CAPRIN2: variants seen among roughly 807,000 people sequenced by gnomAD.
CAPRIN2 encodes caprin family member 2, also known as caprin-2.
In CAPRIN2, 66 loss-of-function variants were observed where a neutral mutation model predicts 130.4. That is an observed-to-expected ratio of 0.51 (90% CI 0.42 to 0.62). The LOEUF (loss-of-function observed/expected upper bound fraction) is 0.62. Ranked by LOEUF, CAPRIN2 falls within the 20% of genes least tolerant of loss-of-function variation. The pLI is 0.00. For synonymous variants in CAPRIN2, 471 were observed against 444.1 expected, an observed-to-expected ratio of 1.06 and a Z score of -0.76; for missense variants, 1,185 against 1,246.6, an observed-to-expected ratio of 0.95 and a Z score of 0.74.
At position 30,710,321 on chromosome 12, in the gene CAPRIN2, C is replaced by A. The variant is rs150951809; in HGVS notation, c.2815G>T (p.Val939Phe). ...CGCATCTGCTGAGGCAGAGGGTAGACGTGTACTGGCAGTATGGTGGCTGCT... is the reference window on the plus strand; with the variant it reads ...CGCATCTGCTGAGGCAGAGGGTAGAAGTGTACTGGCAGTATGGTGGCTGCT... The change falls in exon 17 of 17, where the codon GTC becomes TTC. Residue 939 changes from valine to phenylalanine, a missense_variant. By Grantham distance (50) the Val-to-Phe change is conservative. Transcript: ENST00000298892. This position sits in a 1 kb window ranked among gnomAD's most constrained non-coding sequence, Gnocchi z 4.8. 3 of 1,614,022 alleles carry A rather than the reference C, an allele frequency of 1.9e-6. No homozygotes were observed. Among genetic ancestry groups the A allele is most frequent in the Non-Finnish European group, 2.5e-6 (3 of 1,180,040 alleles).
At chr12:30,717,720 G>T (rs1487237751) in intron 12 of CAPRIN2, among the ~76,000 whole-genome samples, 3 of 152,096 alleles carry the variant, frequency 2.0e-5, no homozygotes, top group Non-Finnish European at 2.9e-5. Flanking sequence ...ACAAGGGTAA[G>T]GGGTCTTTTT....
intron 15 of CAPRIN2, chr12:30,711,929 T>A (rs2054913649): frequency 4.1e-6 from 2 of 490,926 alleles, no homozygotes; most frequent in African/African-American, 1.9e-5. Flanking sequence ...ATGAGAGAAA[T>A]TTTTAAATGT....
chr12:30,754,768 GC>G (rs1158737516), upstream of CAPRIN2: 1 of 153,022 alleles, frequency 6.5e-6, no homozygotes, highest in Non-Finnish European at 1.5e-5. Context: ...GGCAGCCGAG[GC>G]CGCCGCTGCC....
At chr12:30,712,733 C>CT (rs754373140) in intron 15 of CAPRIN2, among the ~76,000 whole-genome samples, 47,266 of 102,312 alleles carry the variant, frequency 0.46, 10,619 homozygotes, top group Admixed American at 0.52. Flanking sequence ...GTTTTCCACT[C>CT]TTTTTTTTTT....
At chr12:30,721,357 T>C (rs1181713036) in intron 11 of CAPRIN2, among the ~76,000 whole-genome samples, 3 of 77,964 alleles carry the variant, frequency 3.8e-5, no homozygotes, top group African/African-American at 1.2e-4. Context: ...GATCATAGTA[T>C]AACTGTGCTT....
intron 10 of CAPRIN2, among the ~76,000 whole-genome samples, chr12:30,723,611 C>T (rs1158380091): frequency 5.9e-5 from 9 of 152,060 alleles, no homozygotes; most frequent in Admixed American, 5.9e-4. Context: ...ATAATAGTGA[C>T]CAGGAAGGTA....
rs2139027245 is a variant in CAPRIN2 at position 30,740,577 on chromosome 12, T to C, written c.570+443A>G. On this transcript the variant is annotated intron_variant, in intron 3 of 16. Transcript: ENST00000298892. ...AACTCTATTTAACATGAGTCATTAA[T>C]TTTCCCATCAATAATTTTCATGCTT... Among the ~76,000 whole-genome samples, 3 of 152,284 alleles carry C rather than the reference T, an allele frequency of 2.0e-5. No homozygotes were observed. In the Middle Eastern group the frequency reaches 0.01, roughly 518 times the overall value.
chr12:30,749,558 G>A (rs572081619), intron 2 of CAPRIN2, among the ~76,000 whole-genome samples: 1 of 152,220 alleles, frequency 6.6e-6, no homozygotes, highest in South Asian at 2.1e-4. Flanking sequence ...GGAGAAGTGA[G>A]CAGACTTGCT....
chr12:30,734,129 T>C (rs1471735619), intron 4 of CAPRIN2, among the ~76,000 whole-genome samples: 2 of 152,222 alleles, frequency 1.3e-5, no homozygotes, highest in African/African-American at 2.4e-5. Context: ...AAAGTGAAGC[T>C]ACATTCCCTG....
At chr12:30,741,036 G>A (rs1197907818) in exon 3 of CAPRIN2, 1 of 1,608,984 alleles carries the variant, frequency 6.2e-7, no homozygotes, top group Non-Finnish European at 8.5e-7. Flanking sequence ...GCTCAACCCA[G>A]AAAAGGTTTT....
exon 8 of CAPRIN2, chr12:30,728,941 A>G: frequency 1.1e-5 from 17 of 1,614,168 alleles, no homozygotes; most frequent in Non-Finnish European, 1.4e-5. Flanking sequence ...TGAACTGGCC[A>G]CAGCTTTGGT....
At position 30,720,783 on chromosome 12, in the gene CAPRIN2, A is replaced by G. The variant is rs761784802; in HGVS notation, c.2148+28T>C. 4.5e-6 allele frequency: 6 copies of G among 1,333,836 alleles called. No individual in the cohort carries two copies. In the Admixed American group the frequency reaches 6.9e-5, roughly 15 times the overall value. The allele number at this position is 1,333,836 out of a possible 1,614,324, so 82.6% of individuals were successfully genotyped here. A position where few individuals can be genotyped will look rare whatever the true frequency, so the allele number is the denominator to read the frequency against. On this transcript the variant is annotated intron_variant, in intron 12 of 16. Transcript: ENST00000298892. The stretch of plus-strand genomic sequence containing the variant: ...TGGTTCTGCTATTCTTTAAGATACA[A>G]AAGAAATTAAGACAATTGGTCTTTT...
At chr12:30,748,409 G>A (rs1366794884) in intron 2 of CAPRIN2, among the ~76,000 whole-genome samples, 1 of 152,214 alleles carries the variant, frequency 6.6e-6, no homozygotes, top group Non-Finnish European at 1.5e-5. Context: ...ACTCACTGAA[G>A]GCTCAGATGA....
chr12:30,716,541 G>A (rs781648821), exon 13 of CAPRIN2: 3 of 1,613,966 alleles, frequency 1.9e-6, no homozygotes. Flanking sequence ...TGTTCTACAT[G>A]TATAGATGGC....
intron 11 of CAPRIN2, among the ~76,000 whole-genome samples, chr12:30,723,032 T>C (rs2059858130): frequency 6.6e-6 from 1 of 152,248 alleles, no homozygotes; most frequent in Non-Finnish European, 1.5e-5. Flanking sequence ...TTCTTCAGGC[T>C]TGGTCTCTCC....
chr12:30,715,688 G>A lies in CAPRIN2; in HGVS notation c.2318-547C>T, dbSNP rs571617202. The A allele has an allele frequency of 2.3e-5, 5 of 213,596 alleles. No individual in the cohort carries two copies. In the East Asian group the frequency reaches 4.5e-4, roughly 19 times the overall value. 13.2% of individuals were successfully genotyped at this position (213,596 alleles called of 1,614,324 possible). On this transcript the variant is annotated intron_variant, in intron 13 of 16. Coordinates refer to ENST00000298892, the Ensembl canonical transcript of CAPRIN2. ...AATTTTTATGTTATGTATACTTTACGACAATTTTTAAAAAGCAGGCTAAAT... is the reference window on the plus strand; with the variant it reads ...AATTTTTATGTTATGTATACTTTACAACAATTTTTAAAAAGCAGGCTAAAT...
intron 1 of CAPRIN2, 76 bp downstream of exon 2, chr12:30,753,268 T>C (rs2074855380): frequency 8.0e-7 from 1 of 1,257,674 alleles, no homozygotes; most frequent in South Asian, 1.4e-5. Flanking sequence ...AGAACACCTA[T>C]GAGCTCTGAA....
At chr12:30,719,112 G>C in intron 12 of CAPRIN2, 2 of 1,614,054 alleles carry the variant, frequency 1.2e-6, no homozygotes, top group South Asian at 2.2e-5. Context: ...CTGTGTTAAT[G>C]GTTACTGAAC....
intron 2 of CAPRIN2, among the ~76,000 whole-genome samples, chr12:30,743,586 GCTGCTTA>G (rs779534721): frequency 2.2e-4 from 34 of 152,000 alleles, no homozygotes; most frequent in Non-Finnish European, 4.4e-4. Context: ...CATTTCTCCA[GCTGCTTA>G]TTTACTAGCA....
Sources: gnomAD v4.1 joint callset for allele counts (sites outside exome capture counted in the v4.1 genomes callset) on GRCh38, gnomAD v4.1.1 for gene constraint, Gnocchi (gnomAD v3.1) non-coding constraint, MANE v1.5 for transcripts, NCBI Gene and HGNC (gene_info 2026-07-23, HGNC 2026-07-21) for gene names.